ZFAND2A: variants seen among roughly 807,000 people sequenced by gnomAD.
The protein encoded by ZFAND2A is zinc finger AN1-type containing 2A.
In ZFAND2A, 20 loss-of-function variants were observed where a neutral mutation model predicts 11.6. That is an observed-to-expected ratio of 1.72 (90% CI 1.21 to 2.50). ZFAND2A has a LOEUF of 2.50. Among genes scored for constraint, ZFAND2A ranks in the 30% most tolerant of loss-of-function variants. The probability of loss-of-function intolerance (pLI) is 0.00; values close to 1 mark genes in which losing one functional copy is unlikely to be tolerated. For synonymous variants in ZFAND2A, 93 were observed against 60.6 expected (o/e 1.54, Z -2.48); for missense variants, 234 against 182.9 (o/e 1.28, Z -1.61).
chr7:1,155,583 TC>T lies in ZFAND2A; in HGVS notation c.151del (p.Asp51MetfsTer16). 1.2e-6 allele frequency: 2 copies of T among 1,609,716 alleles called. No homozygotes were observed. The highest frequency in any genetic ancestry group is 1.7e-6 in the Non-Finnish European group (2 of 1,178,512). On this transcript the variant is annotated frameshift_variant and splice_region_variant, in exon 4 of 5. Coordinates refer to ENST00000316495, the MANE Select transcript of ZFAND2A (RefSeq NM_182491.4). LOFTEE classifies it high-confidence loss of function. ...GAGTGGGCATACTGGGACGTGAACATCCTAAAAATAACAAAGGTAAGATGGC... is the reference window on the plus strand; with the variant it reads ...GAGTGGGCATACTGGGACGTGAACATCTAAAAATAACAAAGGTAAGATGGC... Reference protein sequence around the residue: ...AHKCPFAFQKDVHVPVCPLCN... With the variant: ...AHKCPFAFQKXVHVPVCPLCN...
At chr7:1,151,218 G>A (rs544461069), downstream of ZFAND2A, among the ~76,000 whole-genome samples, 4 of 151,880 alleles carry the variant, frequency 2.6e-5, no homozygotes, top group East Asian at 5.8e-4. Flanking sequence ...AGTTGACCGT[G>A]GCAGGGACAA....
chr7:1,152,186 C>G (rs1793410945), downstream of ZFAND2A: 3 of 1,507,866 alleles, frequency 2.0e-6, no homozygotes, highest in Non-Finnish European at 2.7e-6. Flanking sequence ...AGCAACCTTT[C>G]CGTGTTCACC....
intron 1 of ZFAND2A, among the ~76,000 whole-genome samples, chr7:1,158,667 T>C (rs759759132): frequency 2.7e-5 from 4 of 149,152 alleles, no homozygotes; most frequent in Non-Finnish European, 4.5e-5. Flanking sequence ...CCAGAGAAGA[T>C]TTAACTCTGT....
rs373785657 is a variant in ZFAND2A, at chr7:1,155,123, AAAACAAAC to A, written c.282+322_282+329del. ...CTGGGTGACAGAGCAAGACTGTCTC[AAAACAAAC>A]AAACAAACAAACAAACAAATGAAAC... On this transcript the variant is annotated intron_variant, in intron 4 of 4. Coordinates refer to ENST00000316495, the MANE Select transcript of ZFAND2A (RefSeq NM_182491.4). Among the ~76,000 whole-genome samples the A allele has an allele frequency of 8.3e-3, 1,265 of 152,228 alleles. 15 individuals carry two copies. The highest frequency in any genetic ancestry group is 0.027 in the African/African-American group (1,131 of 41,532).
downstream of ZFAND2A, among the ~76,000 whole-genome samples, chr7:1,151,071 A>G (rs934083425): frequency 2.0e-5 from 3 of 152,014 alleles, no homozygotes; most frequent in Non-Finnish European, 4.4e-5. Flanking sequence ...TTGTTTTAGT[A>G]GACATGGGGT....
chr7:1,151,762 T>TAAAAAAAAAAAAAAAAAAAAAA (rs530920394), downstream of ZFAND2A, among the ~76,000 whole-genome samples: 71 of 87,150 alleles, frequency 8.1e-4, 5 homozygotes, highest in African/African-American at 2.2e-3. Flanking sequence ...TCATCCCTTT[T>TAAAAAAAAAAAAAAAAAAAAAA]AAAAAAAAAA....
chr7:1,155,326 C>A (rs1267357440), intron 4 of ZFAND2A, 127 bp downstream of exon 4: 2 of 1,368,002 alleles, frequency 1.5e-6, no homozygotes, highest in East Asian at 5.0e-5. Flanking sequence ...GATAACGCAG[C>A]GTTAGGACTC....
chr7:1,149,380 C>T (rs112098238), downstream of ZFAND2A, among the ~76,000 whole-genome samples: 3,091 of 152,304 alleles, frequency 0.02, 47 homozygotes, highest in African/African-American at 0.029. Context: ...CCAGACCAGA[C>T]GTGTCACCCG....
downstream of ZFAND2A, among the ~76,000 whole-genome samples, chr7:1,151,279 G>T (rs1307727031): frequency 6.6e-6 from 1 of 152,202 alleles, no homozygotes; most frequent in Non-Finnish European, 1.5e-5. Flanking sequence ...GCCCCTTGGA[G>T]GTCAGGAACG....
Position 1,152,992 on chromosome 7 carries a change from C to CTCCACT in ZFAND2A, c.*71_*76dup. The CTCCACT allele has an allele frequency of 6.3e-7, 1 of 1,577,520 alleles. No individual in the cohort carries two copies. Among genetic ancestry groups the CTCCACT allele is most frequent in the Non-Finnish European group, 8.7e-7 (1 of 1,155,316 alleles). On this transcript the variant is annotated 3_prime_UTR_variant, in exon 5 of 5. Transcript: ENST00000316495. ...CAGTGTGGGATGGTGCTCAATGGGG[C>CTCCACT]TCCACTTCCCACTAGAGTGTAAGCT...
At chr7:1,153,268 G>T in intron 4 of ZFAND2A, 44 bp from the exon 5 acceptor site, 2 of 1,595,884 alleles carry the variant, frequency 1.3e-6, no homozygotes, top group South Asian at 2.2e-5. Context: ...TTTTTTTGGA[G>T]ACAGGGTCTC....
At chr7:1,157,346 G>A (rs917980703) in intron 3 of ZFAND2A, 38 of 213,206 alleles carry the variant, frequency 1.8e-4, no homozygotes, top group Admixed American at 9.5e-4. Context: ...ACAGATCAAA[G>A]GAACCAAGTA....
intron 2 of ZFAND2A, 135 bp downstream of exon 2, chr7:1,158,023 C>G (rs1584030367): frequency 2.1e-6 from 2 of 940,498 alleles, no homozygotes; most frequent in South Asian, 1.6e-5. Flanking sequence ...AAGTGTCAAA[C>G]AGAACCTGCA....
intron 4 of ZFAND2A, among the ~76,000 whole-genome samples, chr7:1,154,068 A>G (rs959492595): frequency 1.3e-5 from 2 of 152,074 alleles, no homozygotes; most frequent in Non-Finnish European, 2.9e-5. Context: ...GGAGGGAAGG[A>G]GGCCAAGCAC....
At chr7:1,150,974 G>A (rs973072461), downstream of ZFAND2A, among the ~76,000 whole-genome samples, 5 of 146,594 alleles carry the variant, frequency 3.4e-5, no homozygotes, top group South Asian at 6.4e-4. Context: ...TGCAACCTCC[G>A]CCTCCCAGGT....
At chr7:1,156,649 G>T (rs1793532308) in intron 3 of ZFAND2A, among the ~76,000 whole-genome samples, 1 of 152,240 alleles carries the variant, frequency 6.6e-6, no homozygotes. Context: ...GCCAGGGCAG[G>T]AATTGATGGA....
intron 2 of ZFAND2A, 30 bp downstream of exon 2, chr7:1,158,127 AT>A: frequency 6.2e-7 from 1 of 1,605,962 alleles, no homozygotes; most frequent in Non-Finnish European, 8.5e-7. Flanking sequence ...ACAAAATACC[AT>A]TTTCTATTAA....
At chr7:1,149,632 G>A (rs1358769814), downstream of ZFAND2A, among the ~76,000 whole-genome samples, 1 of 152,208 alleles carries the variant, frequency 6.6e-6, no homozygotes, top group Non-Finnish European at 1.5e-5. Flanking sequence ...CTTACACAGA[G>A]CTCGATGGTG....
At chr7:1,149,873 G>C (rs1196915958), downstream of ZFAND2A, among the ~76,000 whole-genome samples, 1 of 143,806 alleles carries the variant, frequency 7.0e-6, no homozygotes, top group East Asian at 2.0e-4. Context: ...TTTTTTTTGA[G>C]ATGGAGTCTT....
Sources: gnomAD v4.1 joint callset for allele counts (sites outside exome capture counted in the v4.1 genomes callset) on GRCh38, gnomAD v4.1.1 for gene constraint, MANE v1.5 for transcripts, NCBI Gene and HGNC (gene_info 2026-07-23, HGNC 2026-07-21) for gene names.